RBFOX3: variants seen among roughly 807,000 people sequenced by gnomAD.
The protein encoded by RBFOX3 is RNA binding fox-1 homolog 3.
In RBFOX3, 17 loss-of-function variants were observed where a neutral mutation model predicts 48.7. The observed-to-expected ratio is 0.35, with a 90% CI of 0.24 to 0.52. The LOEUF (loss-of-function observed/expected upper bound fraction) is 0.52, where lower values mean the gene tolerates loss of function less well. RBFOX3 is among the 20% of genes least tolerant of loss of function. The probability of loss-of-function intolerance (pLI) is 0.94; values close to 1 mark genes in which losing one functional copy is unlikely to be tolerated. For missense variants in RBFOX3, 382 were observed against 497.5 expected (o/e 0.77, Z 2.21); for synonymous variants, 212 against 209.5 (o/e 1.01, Z -0.10).
chr17:79,569,834 G>A (rs1037480557), intron 1 of RBFOX3, among the ~76,000 whole-genome samples: 10 of 152,158 alleles, frequency 6.6e-5, no homozygotes, highest in Admixed American at 2.0e-4. Context: ...GATGGTGAAC[G>A]GGCAGATGGA....
chr17:79,410,180 G>A (rs1170028690), intron 2 of RBFOX3, among the ~76,000 whole-genome samples: 1 of 152,220 alleles, frequency 6.6e-6, no homozygotes, highest in Non-Finnish European at 1.5e-5. Flanking sequence ...TGCACACAGT[G>A]TCCTGGCCGC....
At chr17:79,155,316 A>G (rs1008851387) in intron 4 of RBFOX3, among the ~76,000 whole-genome samples, 3 of 151,970 alleles carry the variant, frequency 2.0e-5, no homozygotes, top group African/African-American at 4.8e-5. Flanking sequence ...ACTCCTCAAC[A>G]CTTTCCCCTC....
At chr17:79,271,564 C>G (rs2067710369) in intron 3 of RBFOX3, among the ~76,000 whole-genome samples, 1 of 152,220 alleles carries the variant, frequency 6.6e-6, no homozygotes, top group African/African-American at 2.4e-5. Flanking sequence ...CTGGAGCCCT[C>G]TCTCTGAGGG....
At chr17:79,154,456 T>A (rs2045311641) in intron 4 of RBFOX3, among the ~76,000 whole-genome samples, 1 of 152,116 alleles carries the variant, frequency 6.6e-6, no homozygotes, top group Non-Finnish European at 1.5e-5. Context: ...ACATAGCAGG[T>A]GTTCAATAAA....
In RBFOX3 at chr17:79,182,355, G is replaced by A. The variant is rs549189594; in HGVS notation, c.-34+53411C>T. ...GAGGAAGAGACAGGCCCAGAGATGT[G>A]GGCAGCCAGGGTGGGTGAGGCCAGG... On this transcript the variant is annotated intron_variant, in intron 4 of 14. Transcript: ENST00000693108. Among the ~76,000 whole-genome samples the A allele has an allele frequency of 3.3e-5, 5 of 152,300 alleles. No individual in the cohort carries two copies. The South Asian group carries it at 8.3e-4, about 25-fold the overall frequency.
chr17:79,248,490 C>G (rs1405714034), intron 3 of RBFOX3, among the ~76,000 whole-genome samples: 1 of 152,194 alleles, frequency 6.6e-6, no homozygotes, highest in African/African-American at 2.4e-5. Flanking sequence ...ATGCCTTCTA[C>G]CCGGGAGGAG....
chr17:79,634,758 T>C, the RBFOX3 span, among the ~76,000 whole-genome samples: 1 of 152,070 alleles, frequency 6.6e-6, no homozygotes, highest in Non-Finnish European at 1.5e-5. Flanking sequence ...GAACTTTCCT[T>C]CCATTTCCTC....
intron 4 of RBFOX3, among the ~76,000 whole-genome samples, chr17:79,163,382 C>T (rs574091095): frequency 1.3e-5 from 2 of 152,310 alleles, no homozygotes; most frequent in South Asian, 2.1e-4. Flanking sequence ...TGAGAGATCC[C>T]GGAAACAAGA....
intron 2 of RBFOX3, among the ~76,000 whole-genome samples, chr17:79,412,233 G>A (rs1210199285): frequency 1.3e-5 from 2 of 150,042 alleles, no homozygotes; most frequent in Admixed American, 6.6e-5. Flanking sequence ...TGCATGTGTT[G>A]TGTGTGATAT....
intron 1 of RBFOX3, among the ~76,000 whole-genome samples, chr17:79,570,140 G>C (rs1439673395): frequency 6.7e-6 from 1 of 149,934 alleles, no homozygotes; most frequent in Non-Finnish European, 1.5e-5. Flanking sequence ...TGGATGAATG[G>C]CAAATGGACA....
At chr17:79,286,334 C>T (rs1022373487) in intron 3 of RBFOX3, among the ~76,000 whole-genome samples, 3 of 152,194 alleles carry the variant, frequency 2.0e-5, no homozygotes, top group Non-Finnish European at 2.9e-5. Flanking sequence ...AGGCCACTTT[C>T]TCCACGCCCC....
chr17:79,548,492 T>G (rs782655035), intron 1 of RBFOX3, among the ~76,000 whole-genome samples: 40 of 152,230 alleles, frequency 2.6e-4, no homozygotes, highest in Non-Finnish European at 4.1e-4. Flanking sequence ...GCCTGTGCAC[T>G]TTATTTCTGC....
Position 79,181,346 on chromosome 17 carries a change from C to T in RBFOX3, c.-34+54420G>A, listed in dbSNP as rs555436078. ...GTACAGCAGATCTGTCCCCAATAAC[C>T]TGACCTGGCCACCCCAGAGATTCCC... On this transcript the variant is annotated intron_variant, in intron 4 of 14. Transcript: ENST00000693108. Among the ~76,000 whole-genome samples, 52 of 152,356 alleles carry T rather than the reference C, an allele frequency of 3.4e-4. No individual in the cohort carries two copies. The South Asian group carries it at 0.01, about 30-fold the overall frequency.
chr17:79,576,440 G>T (rs1222116620), intron 1 of RBFOX3, among the ~76,000 whole-genome samples: 2 of 152,106 alleles, frequency 1.3e-5, no homozygotes, highest in Non-Finnish European at 2.9e-5. Flanking sequence ...AGAAGACGGA[G>T]ATGATGGAGA....
the RBFOX3 span, among the ~76,000 whole-genome samples, chr17:79,646,165 G>A: frequency 1.3e-5 from 2 of 152,046 alleles, no homozygotes; most frequent in South Asian, 4.1e-4. Flanking sequence ...TGCCCAAAAT[G>A]TACAATTGAT....
At chr17:79,488,341 C>T (rs2079971663) in intron 1 of RBFOX3, among the ~76,000 whole-genome samples, 1 of 82,668 alleles carries the variant, frequency 1.2e-5, no homozygotes, top group Non-Finnish European at 2.6e-5. Flanking sequence ...GAGGCGGAGC[C>T]CCCCATTTCA....
chr17:79,539,130 T>C (rs1555789523), intron 1 of RBFOX3, among the ~76,000 whole-genome samples: 1 of 152,100 alleles, frequency 6.6e-6, no homozygotes, highest in Non-Finnish European at 1.5e-5. Flanking sequence ...GGCAGGAGGA[T>C]TGCTTGAGCT....
At chr17:79,142,030 G>C (rs537032112) in intron 4 of RBFOX3, among the ~76,000 whole-genome samples, 1 of 152,348 alleles carries the variant, frequency 6.6e-6, no homozygotes, top group African/African-American at 2.4e-5. Flanking sequence ...CTCTGAGTTT[G>C]TGGGAAGGGA....
At chr17:79,389,325 T>TA (rs1458860629) in intron 2 of RBFOX3, among the ~76,000 whole-genome samples, 5 of 152,066 alleles carry the variant, frequency 3.3e-5, no homozygotes, top group Non-Finnish European at 4.4e-5. Flanking sequence ...GATGCCCAAA[T>TA]AAACAGTAGC....
Sources: allele counts gnomAD v4.1 joint callset (sites outside exome capture counted in the v4.1 genomes callset), GRCh38; gene constraint gnomAD v4.1.1; transcripts MANE v1.5; gene names NCBI Gene and HGNC (gene_info 2026-07-23, HGNC 2026-07-21).